The following USP14 variants were observed in gnomAD, a reference collection of about 807,000 sequenced individuals.
USP14 encodes ubiquitin specific peptidase 14.
Under a neutral mutation model 76.5 loss-of-function variants are expected in USP14, and 38 were observed. The observed-to-expected ratio is 0.50, with a 90% confidence interval of 0.38 to 0.65. USP14 has a LOEUF of 0.65. Ranked by LOEUF, USP14 falls within the 30% of genes least tolerant of loss-of-function variation. The pLI, the probability that USP14 is intolerant of heterozygous loss-of-function variation, is 0.00. For synonymous variants in USP14, 192 were observed against 191.7 expected (o/e 1.00, Z -0.01); for missense variants, 467 against 586.5 (o/e 0.80, Z 2.10).
chr18:188,292 C>G (rs1223388934), intron 5 of USP14, among the ~76,000 whole-genome samples: 9 of 151,972 alleles, frequency 5.9e-5, no homozygotes, highest in African/African-American at 2.2e-4. Context: ...TTAAAATTAT[C>G]AAATGTTGTT....
chr18:190,938 T>C (rs530455275), intron 5 of USP14, among the ~76,000 whole-genome samples: 265 of 152,232 alleles, frequency 1.7e-3, no homozygotes, highest in Non-Finnish European at 2.7e-3. Context: ...TTTTTTTGGA[T>C]ATTAAATTAC....
intron 9 of USP14, 144 bp from the exon 10 acceptor site, chr18:199,058 G>C (rs1434600772): frequency 8.7e-6 from 5 of 571,698 alleles, no homozygotes; most frequent in Non-Finnish European, 1.6e-5. Flanking sequence ...TAAGTATGTT[G>C]AAATGAATCT....
chr18:163,417 C>T lies in USP14; in HGVS notation c.126C>T (p.Ala42=). The T allele has an allele frequency of 6.2e-7, 1 of 1,613,522 alleles. No homozygotes were observed. The highest frequency in any genetic ancestry group is 8.5e-7 in the Non-Finnish European group (1 of 1,179,714). The part of the protein sequence containing the change: ...QLFALTGVQP[A]RQKVMVKGGT... ...TTGCGTTGACTGGAGTCCAGCCTGC[C>T]AGACAGAAAGTTATGGTGAAAGGAG... is the stretch of plus-strand genomic sequence containing the variant. The change falls in exon 2 of 16, where the codon GCC becomes GCT. Residue 42 remains alanine (A), a synonymous_variant. Transcript: ENST00000261601.
chr18:178,789 C>T, intron 3 of USP14, 144 bp from the exon 4 acceptor site: 1 of 548,632 alleles, frequency 1.8e-6, no homozygotes, highest in African/African-American at 1.9e-5. Context: ...TCCTAGGCAG[C>T]AACTAATCTA....
intron 5 of USP14, among the ~76,000 whole-genome samples, chr18:188,407 C>A (rs541644858): frequency 6.6e-6 from 1 of 151,394 alleles, no homozygotes; most frequent in African/African-American, 2.4e-5. Context: ...CGTATTCTTT[C>A]AATATATAGC....
At chr18:169,583 T>G (rs955983351) in intron 3 of USP14, among the ~76,000 whole-genome samples, 1 of 152,080 alleles carries the variant, frequency 6.6e-6, no homozygotes, top group Non-Finnish European at 1.5e-5. Flanking sequence ...ATTTCTTGGT[T>G]TTGTGACCCT....
chr18:183,297 G>T (rs1909835088), intron 5 of USP14, among the ~76,000 whole-genome samples: 1 of 150,100 alleles, frequency 6.7e-6, no homozygotes, highest in South Asian at 2.1e-4. Flanking sequence ...ATTCTTTTCT[G>T]TTAGTAGCTT....
chr18:159,323 T>C (rs765590488), intron 1 of USP14, among the ~76,000 whole-genome samples: 1 of 152,212 alleles, frequency 6.6e-6, no homozygotes, highest in African/African-American at 2.4e-5. Context: ...GGTGTGAGCT[T>C]TCAGAAGTAG....
chr18:206,901 T>G (rs1266398223), intron 13 of USP14, among the ~76,000 whole-genome samples: 1 of 152,142 alleles, frequency 6.6e-6, no homozygotes, highest in African/African-American at 2.4e-5. Flanking sequence ...GTCCATGCCC[T>G]CAGAGATTTA....
At chr18:203,476 A>G (rs1010816588) in intron 12 of USP14, among the ~76,000 whole-genome samples, 25 of 152,152 alleles carry the variant, frequency 1.6e-4, no homozygotes, top group African/African-American at 5.8e-4. Flanking sequence ...TTCATATACA[A>G]TTCTGATGGC....
intron 2 of USP14, among the ~76,000 whole-genome samples, chr18:164,101 G>T (rs1292655262): frequency 6.6e-6 from 1 of 152,066 alleles, no homozygotes; most frequent in African/African-American, 2.4e-5. Context: ...TACCTCTGTG[G>T]GTCAGGAGAG....
chr18:196,012 A>G (rs952164391), intron 6 of USP14, among the ~76,000 whole-genome samples: 1 of 152,090 alleles, frequency 6.6e-6, no homozygotes, highest in Non-Finnish European at 1.5e-5. Flanking sequence ...CAATTGTCAA[A>G]GAGTAGATAC....
chr18:177,709 G>C (rs779133638), intron 3 of USP14, among the ~76,000 whole-genome samples: 1 of 148,896 alleles, frequency 6.7e-6, no homozygotes, highest in Non-Finnish European at 1.5e-5. Context: ...TTCCAATTAA[G>C]ATACTGAGTA....
At chr18:204,142 A>G (rs1338466343) in intron 12 of USP14, among the ~76,000 whole-genome samples, 1 of 152,072 alleles carries the variant, frequency 6.6e-6, no homozygotes, top group Non-Finnish European at 1.5e-5. Flanking sequence ...ATATACTACT[A>G]TAAGCTATTG....
At chr18:201,604 C>G (rs1910386665) in intron 10 of USP14, among the ~76,000 whole-genome samples, 1 of 152,180 alleles carries the variant, frequency 6.6e-6, no homozygotes, top group East Asian at 1.9e-4. Context: ...ACACACAAAA[C>G]TTCTTAACCC....
chr18:179,187 T>C (rs1909711865), intron 4 of USP14, 150 bp downstream of exon 4: 1 of 579,010 alleles, frequency 1.7e-6, no homozygotes, highest in African/African-American at 1.9e-5. Flanking sequence ...AGTTTTATTA[T>C]TTTTGATTAG....
intron 9 of USP14, 135 bp from the exon 10 acceptor site, chr18:199,067 C>T (rs76777390): frequency 0.049 from 28,763 of 590,080 alleles, 3,007 homozygotes; most frequent in East Asian, 0.37. Flanking sequence ...TGAAATGAAT[C>T]TTGGGAGACT....
rs578234431 is a variant in USP14 at position 180,986 on chromosome 18, A to G, written c.404+647A>G. ...ATGGCTGAATAGTATTTCATGGTTC[A>G]TTCATGTTACAGCACACGTAACACC... On this transcript the variant is annotated intron_variant, in intron 5 of 15. Transcript: ENST00000261601. 4.5e-3 allele frequency among the ~76,000 whole-genome samples: 671 copies of G among 150,588 alleles called. 1 individual carries two copies. Among genetic ancestry groups the G allele is most frequent in the Non-Finnish European group, 6.7e-3 (450 of 67,550 alleles).
chr18:204,643 C>T lies in USP14; in HGVS notation c.1115C>T (p.Ser372Phe), dbSNP rs1319164275. ...CAAGAGAAAATGGTGTCTTTTCGAT[C>T]CAAATTCAAGGATCTAGAAGATAAA... Reference protein sequence around the residue: ...ELQEKMVSFRSKFKDLEDKKV... With the variant: ...ELQEKMVSFRFKFKDLEDKKV... Residue 372 changes from serine (S) to phenylalanine (F), a missense_variant, in exon 13 of 16, where the codon TCC becomes TTC. By Grantham distance (155) the Ser-to-Phe change is radical. Transcript: ENST00000261601. The T allele has an allele frequency of 4.3e-6, 7 of 1,613,082 alleles. No individual in the cohort carries two copies. Among genetic ancestry groups the T allele is most frequent in the Non-Finnish European group, 5.1e-6 (6 of 1,179,704 alleles).
Sources: gnomAD v4.1 joint callset for allele counts (sites outside exome capture counted in the v4.1 genomes callset) on GRCh38, gnomAD v4.1.1 for gene constraint, MANE v1.5 for transcripts, NCBI Gene and HGNC (gene_info 2026-07-23, HGNC 2026-07-21) for gene names.